The following LRCH1 variants were observed in gnomAD, a reference collection of about 807,000 sequenced individuals.
The protein encoded by LRCH1 is leucine rich repeats and calponin homology domain containing 1, also known as leucine-rich repeat and calponin homology domain-containing protein 1.
In LRCH1, 23 loss-of-function variants were observed where a neutral mutation model predicts 94.9. The observed-to-expected ratio is 0.24, with a 90% CI of 0.17 to 0.34. LRCH1 has a LOEUF of 0.34. Among genes scored for constraint, LRCH1 ranks in the 10% least tolerant of loss-of-function variants. The pLI is 1.00. For synonymous variants in LRCH1, 364 were observed against 354.9 expected (o/e 1.03, Z -0.29); for missense variants, 790 against 945.9 (o/e 0.84, Z 2.16).
At chr13:46,731,786 T>C (rs914599138) in intron 18 of LRCH1, among the ~76,000 whole-genome samples, 11 of 152,152 alleles carry the variant, frequency 7.2e-5, no homozygotes, top group Non-Finnish European at 1.5e-5. Context: ...GGCAGCTCCC[T>C]CTGCCTAGAA....
At chr13:46,575,772 C>G (rs1212048202) in intron 1 of LRCH1, among the ~76,000 whole-genome samples, 1 of 152,090 alleles carries the variant, frequency 6.6e-6, no homozygotes, top group African/African-American at 2.4e-5. Context: ...TTAGGTAAGT[C>G]ATGTTTTCTT....
chr13:46,748,093 CTTA>C (rs1285336332), downstream of LRCH1, among the ~76,000 whole-genome samples: 2 of 152,056 alleles, frequency 1.3e-5, no homozygotes, highest in Non-Finnish European at 2.9e-5. Flanking sequence ...TACTTATCTT[CTTA>C]TTAATCGGGC....
rs1004659100 is a variant in LRCH1 at position 46,556,493 on chromosome 13, G to A, written c.307+2790G>A. Among the ~76,000 whole-genome samples, 27 of 152,106 alleles carry A rather than the reference G, an allele frequency of 1.8e-4. 1 individual carries two copies. The highest frequency in any genetic ancestry group is 4.4e-5 in the Non-Finnish European group (3 of 68,026). On this transcript the variant is annotated intron_variant, in intron 1 of 19. Coordinates refer to ENST00000389797, the MANE Select transcript of LRCH1 (RefSeq NM_001164211.2). ...AACGGGGAAAGAAAGACTGATCCAC[G>A]CAGGTGCAGTGAGTGACACAGGTGT...
At chr13:46,640,338 A>G (rs2051142825) in intron 1 of LRCH1, among the ~76,000 whole-genome samples, 1 of 152,222 alleles carries the variant, frequency 6.6e-6, no homozygotes. Flanking sequence ...AATTCAATGG[A>G]GCCAGTACTA....
chr13:46,714,646 G>A (rs573522552), intron 15 of LRCH1, among the ~76,000 whole-genome samples: 2 of 152,220 alleles, frequency 1.3e-5, no homozygotes, highest in East Asian at 3.9e-4. Context: ...CCCGAACAAA[G>A]ACAACTGCAC....
At chr13:46,738,278 C>T (rs1873485805) in intron 19 of LRCH1, among the ~76,000 whole-genome samples, 2 of 152,222 alleles carry the variant, frequency 1.3e-5, no homozygotes, top group Admixed American at 1.3e-4. Context: ...CACTTGGCAT[C>T]CTTGAGCTTC....
intron 1 of LRCH1, among the ~76,000 whole-genome samples, chr13:46,626,795 A>C (rs930324686): frequency 2.0e-5 from 3 of 152,230 alleles, no homozygotes; most frequent in Non-Finnish European, 4.4e-5. Context: ...ATGGTAATCT[A>C]TCAAATATAT....
intron 2 of LRCH1, among the ~76,000 whole-genome samples, chr13:46,668,376 A>G (rs2051549225): frequency 6.6e-6 from 1 of 152,148 alleles, no homozygotes; most frequent in South Asian, 2.1e-4. Context: ...CTGCAGTTCC[A>G]CTTTGCCAGA....
chr13:46,618,926 G>A (rs1289853748), intron 1 of LRCH1, among the ~76,000 whole-genome samples: 4 of 152,148 alleles, frequency 2.6e-5, no homozygotes, highest in African/African-American at 4.8e-5. Context: ...AGCAGTGGAG[G>A]GGAATTCCTC....
intron 1 of LRCH1, among the ~76,000 whole-genome samples, chr13:46,637,895 A>G (rs2051111818): frequency 6.6e-6 from 1 of 152,266 alleles, no homozygotes; most frequent in South Asian, 2.1e-4. Context: ...TAGTAGGTAC[A>G]CAGCAAGTAT....
At chr13:46,713,791 G>A (rs1012982696) in intron 15 of LRCH1, among the ~76,000 whole-genome samples, 11 of 152,200 alleles carry the variant, frequency 7.2e-5, no homozygotes, top group African/African-American at 2.4e-4. Flanking sequence ...GGGAGGAATG[G>A]AGGTGAGTCC....
rs377327067 is a variant in LRCH1, at chr13:46,687,948, A to G, written c.919A>G (p.Arg307Gly). Residue 307 changes from arginine (R) to glycine (G), a missense_variant, in exon 6 of 20, where the codon AGG becomes GGG. Around this residue, in one of 3 missense-constraint regions of LRCH1, gnomAD observed 194 missense variants for 293.5 expected, o/e 0.66. Coordinates refer to ENST00000389797, the MANE Select transcript of LRCH1 (RefSeq NM_001164211.2). ...CTCCCTTTATCTCCACACCATGGAG[A>G]GGCCACATTTACACCAGCACGTGGA... ...ADSLYLHTME[R>G]PHLHQHVEDG... 5.0e-6 allele frequency: 8 copies of G among 1,612,434 alleles called. No homozygotes were observed. Among genetic ancestry groups the G allele is most frequent in the African/African-American group, 2.7e-5 (2 of 74,918 alleles).
At chr13:46,653,856 A>T (rs1326777491) in intron 2 of LRCH1, among the ~76,000 whole-genome samples, 1 of 152,088 alleles carries the variant, frequency 6.6e-6, no homozygotes. Context: ...ATAAAATAAA[A>T]ATATTAATGA....
Position 46,553,225 on chromosome 13 carries a change from C to CCA in LRCH1, c.-171_-170insAC. ...CTTCAAGACCGAGCTGCCACGGCCG[C>CCA]CTCCCCGCCCGCCCCCCATTCTACG... On this transcript the variant is annotated 5_prime_UTR_variant, in exon 1 of 20. Coordinates refer to ENST00000389797, the MANE Select transcript of LRCH1 (RefSeq NM_001164211.2). 5 of 558,016 alleles carry CCA rather than the reference C, an allele frequency of 9.0e-6. No individual in the cohort carries two copies. Among genetic ancestry groups the CCA allele is most frequent in the Non-Finnish European group, 1.6e-5 (5 of 316,360 alleles). 34.6% of individuals were successfully genotyped at this position (558,016 alleles called of 1,614,324 possible).
intron 18 of LRCH1, among the ~76,000 whole-genome samples, chr13:46,729,190 A>G (rs1475571705): frequency 6.6e-6 from 1 of 152,162 alleles, no homozygotes; most frequent in South Asian, 2.1e-4. Flanking sequence ...ATTTTAAAAT[A>G]AATATATAAA....
At position 46,742,681 on chromosome 13, in the gene LRCH1, CG is replaced by C; in HGVS notation, c.*835del. 2 of 985,378 alleles carry C rather than the reference CG, an allele frequency of 2.0e-6. No individual in the cohort carries two copies. Among genetic ancestry groups the C allele is most frequent in the Non-Finnish European group, 2.4e-6 (2 of 829,916 alleles). The allele number at this position is 985,378 out of a possible 1,614,324, so 61.0% of individuals were successfully genotyped here. ...AGATTTCTATTTTTGAACAATGGAA[CG>C]GATCACTGCTTTTTTGCCACATCAC... On this transcript the variant is annotated 3_prime_UTR_variant, in exon 20 of 20. Transcript: ENST00000389797.
chr13:46,585,404 C>T (rs375240497), intron 1 of LRCH1, among the ~76,000 whole-genome samples: 7 of 152,152 alleles, frequency 4.6e-5, no homozygotes, highest in South Asian at 2.1e-4. Flanking sequence ...GGTGAAACCA[C>T]GTCTCTACTA....
chr13:46,668,185 G>T (rs768514443), intron 2 of LRCH1, among the ~76,000 whole-genome samples: 7 of 152,060 alleles, frequency 4.6e-5, no homozygotes, highest in Non-Finnish European at 1.0e-4. Flanking sequence ...ATAAATGGCT[G>T]ACATATAAAT....
At chr13:46,649,828 C>CAAA (rs565134610) in intron 1 of LRCH1, among the ~76,000 whole-genome samples, 1 of 99,882 alleles carries the variant, frequency 1.0e-5, no homozygotes, top group Non-Finnish European at 2.1e-5. Flanking sequence ...GATCCTGTCT[C>CAAA]AAAAAAAAAA....
Sources: gnomAD v4.1 joint callset for allele counts (sites outside exome capture counted in the v4.1 genomes callset) on GRCh38, gnomAD v4.1.1 for gene constraint, gnomAD v4.1.1 regional missense constraint, MANE v1.5 for transcripts, NCBI Gene and HGNC (gene_info 2026-07-23, HGNC 2026-07-21) for gene names.